The following KNG1 variants were observed in gnomAD, a reference collection of about 807,000 sequenced individuals.
KNG1 encodes kininogen 1, also known as kininogen-1.
In KNG1, 23 loss-of-function variants were observed where a neutral mutation model predicts 47.8. The ratio of observed to expected loss-of-function variants is 0.48; its 90% CI spans 0.35 to 0.68. The LOEUF is 0.68. KNG1 is among the 30% of genes least tolerant of loss of function. KNG1 has a pLI of 0.01. For missense variants in KNG1, 762 were observed against 790.2 expected, an observed-to-expected ratio of 0.96 and a Z score of 0.43; for synonymous variants, 277 against 277.0, an observed-to-expected ratio of 1.00 and a Z score of 0.00.
Position 186,739,101 on chromosome 3 carries a change from G to A in KNG1, c.933G>A (p.Val311=), listed in dbSNP as rs1720737902. ...CTTTGTACTAATTAATTTTTCAGGT[G>A]GTGGCTGGCAAGAAATATTTTATTG... The part of the protein sequence containing the change: ...IDNVKKARVQ[V]VAGKKYFIDF... Residue 311 remains valine, a splice_region_variant and synonymous_variant, in exon 8 of 10, where the codon GTG becomes GTA. Coordinates refer to ENST00000644859, the MANE Select transcript of KNG1 (RefSeq NM_001102416.3). 6.2e-7 allele frequency: 1 copy of A among 1,611,734 alleles called. No individual in the cohort carries two copies. Among genetic ancestry groups the A allele is most frequent in the Non-Finnish European group, 8.5e-7 (1 of 1,177,926 alleles).
chr3:186,742,776 A>G lies in KNG1; in HGVS notation c.*445A>G, dbSNP rs1371959247. ...TGAACTTATTAATGGAATAGAAATA[A>G]TAAGGAGGCTGAGGCTGGAGAATTG... On this transcript the variant is annotated 3_prime_UTR_variant, in exon 10 of 10. Coordinates refer to ENST00000644859, the MANE Select transcript of KNG1 (RefSeq NM_001102416.3). The G allele has an allele frequency of 1.0e-6, 1 of 999,038 alleles. No homozygotes were observed. The highest frequency in any genetic ancestry group is 1.2e-6 in the Non-Finnish European group (1 of 838,150). 61.9% of individuals were successfully genotyped at this position (999,038 alleles called of 1,614,324 possible).
In KNG1 at chr3:186,742,854, C is replaced by G; in HGVS notation, c.*523C>G. On this transcript the variant is annotated 3_prime_UTR_variant, in exon 10 of 10. Coordinates refer to ENST00000644859, the MANE Select transcript of KNG1 (RefSeq NM_001102416.3). ...TGAGCCGAGATCGTGCCACTGCGCT[C>G]CAGCCTGGGCATCAGAGCAAGATTC... 1 of 945,818 alleles carries G rather than the reference C, an allele frequency of 1.1e-6. No individual in the cohort carries two copies. The highest frequency in any genetic ancestry group is 1.3e-6 in the Non-Finnish European group (1 of 793,872). 58.6% of individuals were successfully genotyped at this position (945,818 alleles called of 1,614,324 possible). A position where few individuals can be genotyped will look rare whatever the true frequency, so the allele number is the denominator to read the frequency against.
At chr3:186,730,644 A>G (rs1001823358) in intron 5 of KNG1, among the ~76,000 whole-genome samples, 1 of 128,100 alleles carries the variant, frequency 7.8e-6, no homozygotes, top group African/African-American at 3.0e-5. Flanking sequence ...CGACAAAGAG[A>G]GACTCCATCA....
At chr3:186,729,600 C>T (rs574504526) in intron 5 of KNG1, among the ~76,000 whole-genome samples, 1 of 152,070 alleles carries the variant, frequency 6.6e-6, no homozygotes, top group Admixed American at 6.5e-5. Context: ...TTGTATGATT[C>T]CACTTATATA....
intron 2 of KNG1, among the ~76,000 whole-genome samples, chr3:186,721,052 G>A (rs1720182702): frequency 6.6e-6 from 1 of 152,094 alleles, no homozygotes; most frequent in Non-Finnish European, 1.5e-5. Context: ...GCCTCTCAAA[G>A]TGCTGGGATT....
chr3:186,741,483 T>A (rs1165215396), intron 9 of KNG1, 39 bp from the exon 10 acceptor site: 1 of 1,579,460 alleles, frequency 6.3e-7, no homozygotes, highest in South Asian at 1.1e-5. Flanking sequence ...ATAGCATGAT[T>A]TTTGCAGTAA....
At chr3:186,731,658 A>G (rs779353435) in intron 6 of KNG1, 29 bp downstream of exon 6, 16 of 1,357,222 alleles carry the variant, frequency 1.2e-5, no homozygotes, top group Non-Finnish European at 1.7e-5. Context: ...TGGCACCGCA[A>G]TAGAGGAATA....
intron 6 of KNG1, among the ~76,000 whole-genome samples, chr3:186,732,275 C>T (rs962159943): frequency 1.1e-4 from 17 of 152,250 alleles, no homozygotes; most frequent in African/African-American, 3.4e-4. Context: ...TGGAGTTACT[C>T]GCACTTTCCT....
intron 5 of KNG1, among the ~76,000 whole-genome samples, chr3:186,727,777 A>G (rs5030027): frequency 0.23 from 35,531 of 151,838 alleles, 4,281 homozygotes; most frequent in South Asian, 0.33. Flanking sequence ...TTACCGTGTT[A>G]GCCAGAGTGG....
chr3:186,732,407 C>G (rs1306837513), intron 6 of KNG1, 95 bp from the exon 7 acceptor site: 2 of 1,184,724 alleles, frequency 1.7e-6, no homozygotes, highest in Non-Finnish European at 2.5e-6. Flanking sequence ...CCATGTAGCC[C>G]CTTATACATG....
At chr3:186,717,916 TCCACCACCACCCACCACCCACCAC>T (rs1720043748) in intron 1 of KNG1, 179 bp downstream of exon 1, 1 of 318,452 alleles carries the variant, frequency 3.1e-6, no homozygotes, top group Non-Finnish European at 5.8e-6. Flanking sequence ...ACCACCACCA[TCCACCACCACCCACCACCCACCAC>T]CACCCACCAC....
chr3:186,730,262 T>C (rs1215579481), intron 5 of KNG1, among the ~76,000 whole-genome samples: 1 of 152,196 alleles, frequency 6.6e-6, no homozygotes, highest in African/African-American at 2.4e-5. Context: ...TTTTAGAGAT[T>C]ATTTTTTCTT....
chr3:186,733,470 C>T (rs1450938390), intron 7 of KNG1, among the ~76,000 whole-genome samples: 9 of 152,074 alleles, frequency 5.9e-5, no homozygotes, highest in Admixed American at 4.6e-4. Context: ...GCCTGGGATC[C>T]CGCTCTCCTG....
chr3:186,731,791 TC>T (rs967966614), intron 6 of KNG1, among the ~76,000 whole-genome samples, 162 bp downstream of exon 6: 4 of 152,192 alleles, frequency 2.6e-5, no homozygotes, highest in Non-Finnish European at 5.9e-5. Flanking sequence ...CTGTACCCCT[TC>T]GCTGCCCAGT....
intron 5 of KNG1, among the ~76,000 whole-genome samples, chr3:186,731,058 T>C (rs1419962905): frequency 6.6e-6 from 1 of 152,136 alleles, no homozygotes; most frequent in East Asian, 1.9e-4. Context: ...TGATCATTTT[T>C]ACTACCTTTA....
rs1329541819 is a variant in KNG1 at position 186,743,005 on chromosome 3, C to T, written c.*674C>T. 61 of 938,534 alleles carry T rather than the reference C, an allele frequency of 6.5e-5. No individual in the cohort carries two copies. The highest frequency in any genetic ancestry group is 7.7e-5 in the Non-Finnish European group (61 of 787,236). 58.1% of individuals were successfully genotyped at this position (938,534 alleles called of 1,614,324 possible). A position where few individuals can be genotyped will look rare whatever the true frequency, so the allele number is the denominator to read the frequency against. Reference sequence around the variant, plus strand: ...ACATAAATTAATTGACTTTCTATTCCCAAAATGGGCTAGTTATATCAAATA... The same window carrying T: ...ACATAAATTAATTGACTTTCTATTCTCAAAATGGGCTAGTTATATCAAATA... On this transcript the variant is annotated 3_prime_UTR_variant, in exon 10 of 10. Transcript: ENST00000644859.
At chr3:186,726,537 G>A (rs897713381) in intron 4 of KNG1, among the ~76,000 whole-genome samples, 14 of 150,604 alleles carry the variant, frequency 9.3e-5, no homozygotes, top group Admixed American at 6.6e-4. Context: ...TGTTCCTCCC[G>A]TCTCGGCCTC....
chr3:186,743,809 AG>A lies in KNG1; in HGVS notation c.*1480del. 6.4e-7 allele frequency: 1 copy of A among 1,565,526 alleles called. No homozygotes were observed. Among genetic ancestry groups the A allele is most frequent in the Non-Finnish European group, 8.8e-7 (1 of 1,135,938 alleles). On this transcript the variant is annotated 3_prime_UTR_variant, in exon 10 of 10. Coordinates refer to ENST00000644859, the MANE Select transcript of KNG1 (RefSeq NM_001102416.3). The stretch of plus-strand genomic sequence containing the variant: ...GACCAATGGGCAGAATCTTCACTCC[AG>A]GCACATAGCCCCAACCACCTCTGCC...
At chr3:186,726,708 C>T (rs759624843) in intron 4 of KNG1, among the ~76,000 whole-genome samples, 5 of 152,088 alleles carry the variant, frequency 3.3e-5, no homozygotes, top group African/African-American at 1.2e-4. Context: ...TGCTTTCATG[C>T]GAGCATGCTT....
Sources: allele counts gnomAD v4.1 joint callset (sites outside exome capture counted in the v4.1 genomes callset), GRCh38; gene constraint gnomAD v4.1.1; transcripts MANE v1.5; gene names NCBI Gene and HGNC (gene_info 2026-07-23, HGNC 2026-07-21).